The following RNLS variants were observed in gnomAD, a reference collection of about 807,000 sequenced individuals.
RNLS encodes renalase.
In RNLS, 39 loss-of-function variants were observed where a neutral mutation model predicts 39.8. The ratio of observed to expected loss-of-function variants is 0.98; its 90% confidence interval spans 0.76 to 1.28. The LOEUF (loss-of-function observed/expected upper bound fraction) is 1.28, where lower values mean the gene tolerates loss of function less well. Among genes scored for constraint, RNLS ranks in the 50% most tolerant of loss-of-function variants. The pLI is 0.00. For missense variants in RNLS, 410 were observed against 413.3 expected, an observed-to-expected ratio of 0.99 and a Z score of 0.07; for synonymous variants, 147 against 150.7, an observed-to-expected ratio of 0.98 and a Z score of 0.18.
intron 4 of RNLS, among the ~76,000 whole-genome samples, chr10:88,555,949 T>A (rs1003675666): frequency 1.3e-5 from 2 of 152,128 alleles, no homozygotes; most frequent in African/African-American, 4.8e-5. Flanking sequence ...ATTTCTCTAC[T>A]GATGATTTTC....
chr10:88,571,238 T>TC (rs1255837967), intron 4 of RNLS, among the ~76,000 whole-genome samples: 1 of 152,064 alleles, frequency 6.6e-6, no homozygotes, highest in Non-Finnish European at 1.5e-5. Flanking sequence ...TGCCTCACCC[T>TC]CCCAAAGTGC....
At chr10:88,347,355 C>T (rs1302424483) in intron 5 of RNLS, among the ~76,000 whole-genome samples, 1 of 152,108 alleles carries the variant, frequency 6.6e-6, no homozygotes, top group Non-Finnish European at 1.5e-5. Flanking sequence ...TTTCCAGGTT[C>T]CCTCTCTGAA....
intron 4 of RNLS, among the ~76,000 whole-genome samples, chr10:88,551,869 A>G (rs1289432951): frequency 6.6e-6 from 1 of 152,166 alleles, no homozygotes; most frequent in Non-Finnish European, 1.5e-5. Flanking sequence ...CATAATGGGT[A>G]CTCATAAGTT....
the RNLS span, among the ~76,000 whole-genome samples, chr10:88,247,379 G>A: frequency 6.6e-6 from 1 of 152,098 alleles, no homozygotes; most frequent in East Asian, 1.9e-4. Context: ...GTTGAGCAGA[G>A]GGAACAACAT....
At chr10:88,307,150 T>A (rs773159083) in intron 6 of RNLS, among the ~76,000 whole-genome samples, 1 of 152,206 alleles carries the variant, frequency 6.6e-6, no homozygotes, top group African/African-American at 2.4e-5. Flanking sequence ...CTCGATAAAC[T>A]AGGTATTGAA....
the RNLS span, among the ~76,000 whole-genome samples, chr10:88,267,566 C>T: frequency 6.6e-6 from 1 of 152,162 alleles, no homozygotes; most frequent in Non-Finnish European, 1.5e-5. Flanking sequence ...CAGAGTGAGA[C>T]CCTGTCTCTA....
intron 4 of RNLS, among the ~76,000 whole-genome samples, chr10:88,444,551 G>A (rs1191761883): frequency 3.9e-5 from 6 of 152,032 alleles, no homozygotes; most frequent in Non-Finnish European, 5.9e-5. Context: ...TGAACCCAAC[G>A]CAAAGAAGCT....
At chr10:88,478,882 T>G (rs564467832) in intron 4 of RNLS, among the ~76,000 whole-genome samples, 2 of 151,280 alleles carry the variant, frequency 1.3e-5, no homozygotes, top group Non-Finnish European at 2.9e-5. Context: ...TTTCTCTTTC[T>G]TTCTTTCTTT....
chr10:88,280,821 T>G (rs1842985219), downstream of RNLS, among the ~76,000 whole-genome samples: 1 of 152,226 alleles, frequency 6.6e-6, no homozygotes, highest in Admixed American at 6.5e-5. Flanking sequence ...TTCTATAGCT[T>G]CTTAAACAGG....
rs575692169 is a variant in RNLS at position 88,542,388 on chromosome 10, C to T, written c.526+30515G>A. Among the ~76,000 whole-genome samples, 7 of 151,802 alleles carry T rather than the reference C, an allele frequency of 4.6e-5. No homozygotes were observed. In the South Asian group the frequency reaches 1.5e-3, roughly 32 times the overall value. On this transcript the variant is annotated intron_variant, in intron 4 of 6. Transcript: ENST00000331772. ...ATTAAGTGCACTTGAAAAAATATAC[C>T]CTTGTTTGTCTTTGTTTTATCTAAA... is the stretch of plus-strand genomic sequence containing the variant.
the RNLS span, among the ~76,000 whole-genome samples, chr10:88,182,135 G>A: frequency 6.6e-6 from 1 of 152,058 alleles, no homozygotes; most frequent in Non-Finnish European, 1.5e-5. Flanking sequence ...CATTAGAGTT[G>A]GTGAGAGGCT....
intron 4 of RNLS, among the ~76,000 whole-genome samples, chr10:88,477,722 C>A (rs767630446): frequency 2.0e-5 from 3 of 152,182 alleles, no homozygotes; most frequent in Non-Finnish European, 4.4e-5. Context: ...ATTTCCATGA[C>A]CTTCCTATGA....
chr10:88,485,642 C>CA (rs11366047), intron 4 of RNLS, among the ~76,000 whole-genome samples: 1,847 of 104,816 alleles, frequency 0.018, 35 homozygotes, highest in African/African-American at 0.053. Context: ...AATGAAAAAC[C>CA]AAAAAAAAAA....
intron 4 of RNLS, among the ~76,000 whole-genome samples, chr10:88,426,926 T>G (rs1048518083): frequency 3.9e-5 from 6 of 151,946 alleles, no homozygotes; most frequent in African/African-American, 1.2e-4. Flanking sequence ...TGGAGTAAAT[T>G]GATGGGAAGA....
intron 4 of RNLS, among the ~76,000 whole-genome samples, chr10:88,477,013 C>G (rs17112575): frequency 0.19 from 28,427 of 150,558 alleles, 2,922 homozygotes; most frequent in Middle Eastern, 0.29. Context: ...AATAGTGTGG[C>G]CTTTTTTTTT....
intron 5 of RNLS, among the ~76,000 whole-genome samples, chr10:88,324,554 C>T (rs989699200): frequency 1.3e-5 from 2 of 151,972 alleles, no homozygotes; most frequent in Admixed American, 6.6e-5. Flanking sequence ...AGACACTGGG[C>T]ACTCCAGAAA....
intron 5 of RNLS, among the ~76,000 whole-genome samples, chr10:88,333,970 G>A (rs917683529): frequency 6.6e-6 from 1 of 152,146 alleles, no homozygotes; most frequent in African/African-American, 2.4e-5. Context: ...CCAGAGCTGT[G>A]AGCAATAAAT....
chr10:88,235,831 TG>T, the RNLS span, among the ~76,000 whole-genome samples: 13 of 151,828 alleles, frequency 8.6e-5, no homozygotes, highest in African/African-American at 1.4e-4. Context: ...GCTGTTGTTT[TG>T]TTTTTTTGTT....
chr10:88,244,019 G>C, the RNLS span, among the ~76,000 whole-genome samples: 3 of 152,204 alleles, frequency 2.0e-5, no homozygotes, highest in African/African-American at 4.8e-5. Flanking sequence ...CTAAGCTTTA[G>C]ATTTCCCCAG....
Sources: allele counts gnomAD v4.1 joint callset (sites outside exome capture counted in the v4.1 genomes callset), GRCh38; gene constraint gnomAD v4.1.1; transcripts MANE v1.5; gene names NCBI Gene and HGNC (gene_info 2026-07-23, HGNC 2026-07-21).